ANKS1B: variants seen among roughly 807,000 people sequenced by gnomAD.
ANKS1B encodes ankyrin repeat and sterile alpha motif domain containing 1B, also known as ankyrin repeat and sterile alpha motif domain-containing protein 1B.
ANKS1B carries 36 observed loss-of-function variants against 148.3 expected under a neutral mutation model. The observed-to-expected ratio is 0.24, with a 90% confidence interval of 0.19 to 0.32. ANKS1B has a LOEUF of 0.32. ANKS1B is among the 10% of genes least tolerant of loss of function. The probability of loss-of-function intolerance (pLI) is 1.00; values close to 1 mark genes in which losing one functional copy is unlikely to be tolerated. For missense variants in ANKS1B, 1,157 were observed against 1,542.6 expected (o/e 0.75, Z 4.19); for synonymous variants, 542 against 560.8 (o/e 0.97, Z 0.47).
intron 17 of ANKS1B, among the ~76,000 whole-genome samples, chr12:98,982,685 A>G (rs4762532): frequency 0.22 from 33,535 of 152,168 alleles, 4,181 homozygotes; most frequent in African/African-American, 0.33. Flanking sequence ...TTTTCATACC[A>G]CATTATGTTC....
At chr12:99,484,827 C>T (rs2096466087) in intron 10 of ANKS1B, among the ~76,000 whole-genome samples, 1 of 143,294 alleles carries the variant, frequency 7.0e-6, no homozygotes, top group Admixed American at 7.1e-5. Context: ...ATAAGACTAG[C>T]TACTCCTGCT....
chr12:99,377,877 T>C (rs2093455740), intron 12 of ANKS1B, among the ~76,000 whole-genome samples: 1 of 152,228 alleles, frequency 6.6e-6, no homozygotes, highest in Non-Finnish European at 1.5e-5. Context: ...CCCTTAAACC[T>C]GGACAGGTTT....
intron 9 of ANKS1B, among the ~76,000 whole-genome samples, chr12:99,553,292 C>T (rs576917781): frequency 3.9e-5 from 6 of 152,180 alleles, no homozygotes; most frequent in Non-Finnish European, 7.4e-5. Flanking sequence ...TCATTAAACC[C>T]GGTTGGGGTT....
intron 9 of ANKS1B, among the ~76,000 whole-genome samples, chr12:99,552,696 G>T (rs1282050788): frequency 6.6e-6 from 1 of 152,134 alleles, no homozygotes; most frequent in Non-Finnish European, 1.5e-5. Context: ...ATCCATGGGG[G>T]ATTGATTCCA....
chr12:99,467,895 A>G (rs2096157376), intron 10 of ANKS1B, among the ~76,000 whole-genome samples: 1 of 152,212 alleles, frequency 6.6e-6, no homozygotes, highest in Non-Finnish European at 1.5e-5. Flanking sequence ...TGCCATCCCC[A>G]TCAAGCTACC....
At chr12:98,884,575 G>A (rs1236157207) in intron 17 of ANKS1B, among the ~76,000 whole-genome samples, 1 of 151,884 alleles carries the variant, frequency 6.6e-6, no homozygotes, top group Non-Finnish European at 1.5e-5. Context: ...CGAGGCGGGT[G>A]GATCATGAGG....
chr12:99,807,503 G>A (rs2067784303), intron 3 of ANKS1B, among the ~76,000 whole-genome samples: 1 of 152,156 alleles, frequency 6.6e-6, no homozygotes, highest in South Asian at 2.1e-4. Context: ...GGAGGTGGAA[G>A]GGTCAGGAGA....
At chr12:99,741,206 A>AAC (rs774613671) in intron 8 of ANKS1B, among the ~76,000 whole-genome samples, 6,405 of 135,298 alleles carry the variant, frequency 0.047, 148 homozygotes, top group Middle Eastern at 0.076. Flanking sequence ...GGCTCCGTCA[A>AAC]ACACACACAC....
intron 19 of ANKS1B, among the ~76,000 whole-genome samples, chr12:98,812,366 A>G (rs1277966112): frequency 1.3e-5 from 2 of 152,206 alleles, no homozygotes; most frequent in African/African-American, 4.8e-5. Context: ...GCTAGATCAT[A>G]TACAGCCCAG....
intron 17 of ANKS1B, among the ~76,000 whole-genome samples, chr12:98,881,486 C>G (rs1242519890): frequency 2.0e-5 from 3 of 152,128 alleles, no homozygotes; most frequent in Non-Finnish European, 4.4e-5. Flanking sequence ...CTTGTAGAGA[C>G]AGGTAATAAC....
At chr12:98,935,999 T>C (rs1457357831) in intron 17 of ANKS1B, among the ~76,000 whole-genome samples, 1 of 152,214 alleles carries the variant, frequency 6.6e-6, no homozygotes, top group African/African-American at 2.4e-5. Flanking sequence ...TCGTTTATAA[T>C]AATAATTTAA....
chr12:99,397,391 C>G (rs1451735033), intron 12 of ANKS1B, among the ~76,000 whole-genome samples: 1 of 152,114 alleles, frequency 6.6e-6, no homozygotes, highest in Admixed American at 6.6e-5. Flanking sequence ...CTTTGGCAGT[C>G]TGACCTCAGT....
chr12:98,812,762 T>C (rs145309867), intron 19 of ANKS1B, among the ~76,000 whole-genome samples: 3,599 of 152,204 alleles, frequency 0.024, 81 homozygotes, highest in East Asian at 0.09. Flanking sequence ...TTAGTAGATA[T>C]GGGGTTTCAC....
intron 9 of ANKS1B, among the ~76,000 whole-genome samples, chr12:99,518,247 T>A (rs1318554636): frequency 6.6e-6 from 1 of 152,160 alleles, no homozygotes; most frequent in Admixed American, 6.5e-5. Flanking sequence ...TTTGGAAGTA[T>A]TCTCTCCTCC....
intron 1 of ANKS1B, among the ~76,000 whole-genome samples, chr12:99,858,329 C>T (rs982681023): frequency 3.9e-5 from 6 of 152,038 alleles, no homozygotes; most frequent in African/African-American, 1.4e-4. Flanking sequence ...ATCAATACCA[C>T]CTTACTCCTG....
At chr12:98,921,398 A>C (rs1178213689) in intron 17 of ANKS1B, among the ~76,000 whole-genome samples, 3 of 152,130 alleles carry the variant, frequency 2.0e-5, no homozygotes, top group Non-Finnish European at 2.9e-5. Context: ...ATAATCTCAG[A>C]TCTCATGCAT....
intron 15 of ANKS1B, chr12:99,097,253 C>T (rs544675181): frequency 6.6e-6 from 1 of 152,150 alleles, no homozygotes; most frequent in Admixed American, 6.5e-5. Flanking sequence ...TGTTTTTCCC[C>T]CCTAATTGAA....
At chr12:99,718,122 C>G (rs1038155777) in intron 8 of ANKS1B, among the ~76,000 whole-genome samples, 1 of 151,808 alleles carries the variant, frequency 6.6e-6, no homozygotes, top group Non-Finnish European at 1.5e-5. Context: ...CCAGGATGGT[C>G]TCGATCTGAC....
chr12:99,210,211 C>T (rs1601702317), intron 14 of ANKS1B, among the ~76,000 whole-genome samples: 1 of 152,178 alleles, frequency 6.6e-6, no homozygotes, highest in African/African-American at 2.4e-5. Flanking sequence ...AGCCCCTCTC[C>T]AAAATATTTA....
Sources: allele counts gnomAD v4.1 joint callset (sites outside exome capture counted in the v4.1 genomes callset), GRCh38; gene constraint gnomAD v4.1.1; transcripts MANE v1.5; gene names NCBI Gene and HGNC (gene_info 2026-07-23, HGNC 2026-07-21).